Variants in ALDH4A1 observed in about 807,000 individuals in gnomAD.
ALDH4A1 encodes the protein delta-1-pyrroline-5-carboxylate dehydrogenase, mitochondrial.
Under a neutral mutation model 70.5 loss-of-function variants are expected in ALDH4A1, and 46 were observed. That is an observed-to-expected ratio of 0.65 (90% CI 0.51 to 0.83). The LOEUF (loss-of-function observed/expected upper bound fraction) is 0.83, where lower values mean the gene tolerates loss of function less well. ALDH4A1 is among the 40% of genes least tolerant of loss of function. ALDH4A1 has a pLI of 0.00. For missense variants in ALDH4A1, 749 were observed against 766.5 expected (o/e 0.98, Z 0.27); for synonymous variants, 323 against 324.3 (o/e 1.00, Z 0.04).
intron 7 of ALDH4A1, chr1:18,882,772 C>A: frequency 2.7e-5 from 16 of 588,316 alleles, no homozygotes; most frequent in South Asian, 2.1e-4. Flanking sequence ...TCAACAGAGC[C>A]ACCAACACTC....
Position 18,885,640 on chromosome 1 carries a change from G to T in ALDH4A1, c.298-12C>A. The T allele has an allele frequency of 1.2e-6, 2 of 1,613,738 alleles. No homozygotes were observed. The highest frequency in any genetic ancestry group is 1.7e-6 in the Non-Finnish European group (2 of 1,180,000). ...TTGTTGAGCAGGCTCTAAAGGGAGA[G>T]GGAGAGGTTGGGGACTGCCACCTGC... is the stretch of plus-strand genomic sequence containing the variant. On this transcript the variant is annotated splice_polypyrimidine_tract_variant and intron_variant, in intron 4 of 14. Coordinates refer to ENST00000375341, the MANE Select transcript of ALDH4A1 (RefSeq NM_003748.4).
Position 18,872,868 on chromosome 1 carries a change from A to C in ALDH4A1, c.1669T>G (p.Trp557Gly). The change falls in exon 15 of 15, where the codon TGG (tryptophan) becomes GGG (glycine). Residue 557 changes from tryptophan to glycine, a missense_variant. Physicochemically the swap from Trp to Gly is radical, Grantham distance 184. Transcript: ENST00000375341. ...GCTCACTGCATGTACGCGTAGCTCC[A>C]GTCCCCCAGGGGCTTATGTGTCTCC... The part of the protein sequence containing the change: ...IKETHKPLGD[W>G]SYAYMQ The C allele has an allele frequency of 6.2e-7, 1 of 1,614,016 alleles. No homozygotes were observed. The highest frequency in any genetic ancestry group is 8.5e-7 in the Non-Finnish European group (1 of 1,179,990).
chr1:18,881,658 GT>G (rs745837731), intron 8 of ALDH4A1, 41 bp downstream of exon 8: 13 of 853,154 alleles, frequency 1.5e-5, no homozygotes, highest in Non-Finnish European at 1.7e-5. Context: ...GCAGGTGAAC[GT>G]CCCCTAGCCA....
chr1:18,878,059 C>T (rs11487490), intron 9 of ALDH4A1, among the ~76,000 whole-genome samples: 4,900 of 152,222 alleles, frequency 0.032, 229 homozygotes, highest in African/African-American at 0.11. Flanking sequence ...CCCCTCCTCC[C>T]CACGCGTGCT....
At chr1:18,895,847 C>G (rs1333644132) in intron 1 of ALDH4A1, among the ~76,000 whole-genome samples, 1 of 152,254 alleles carries the variant, frequency 6.6e-6, no homozygotes, top group Admixed American at 6.5e-5. Flanking sequence ...CCAAGTCACT[C>G]AGGTCCACAC....
intron 1 of ALDH4A1, 40 bp from the exon 2 acceptor site, chr1:18,890,145 C>T: frequency 2.0e-6 from 3 of 1,534,154 alleles, no homozygotes; most frequent in Non-Finnish European, 2.7e-6. Context: ...GAGAGGTCAG[C>T]AGCGGCCCCA....
intron 13 of ALDH4A1, 33 bp downstream of exon 13, chr1:18,875,349 G>A (rs1557609746): frequency 6.2e-7 from 1 of 1,613,754 alleles, no homozygotes; most frequent in African/African-American, 1.3e-5. Flanking sequence ...GACACCCGGA[G>A]CACAGCACCA....
chr1:18,890,985 GC>G (rs775513087), intron 1 of ALDH4A1: 36 of 791,360 alleles, frequency 4.5e-5, no homozygotes, highest in Non-Finnish European at 5.4e-5. Flanking sequence ...CCCCGGGAGG[GC>G]TGGCCCTGGG....
chr1:18,902,433 G>C, intron 1 of ALDH4A1, 29 bp downstream of exon 1: 1 of 1,315,642 alleles, frequency 7.6e-7, no homozygotes, highest in Non-Finnish European at 9.7e-7. Context: ...GCGCGCGCTC[G>C]GGCCGCCCCG....
At position 18,894,281 on chromosome 1, in the gene ALDH4A1, C is replaced by G. The variant is rs78507003; in HGVS notation, c.63-4176G>C. On this transcript the variant is annotated intron_variant, in intron 1 of 14. Transcript: ENST00000375341. ...GTAGGCCGGTTGCAGTGGCTCACGC[C>G]TGTAATCCCAGCACTTTGGGAGGCT... Among the ~76,000 whole-genome samples, 583 of 152,362 alleles carry G rather than the reference C, an allele frequency of 3.8e-3. 4 individuals carry two copies. The highest frequency in any genetic ancestry group is 0.028 in the East Asian group (146 of 5,178).
At chr1:18,877,009 G>C (rs186347583) in intron 11 of ALDH4A1, among the ~76,000 whole-genome samples, 199 bp downstream of exon 11, 3 of 152,284 alleles carry the variant, frequency 2.0e-5, no homozygotes, top group Admixed American at 2.0e-4. Context: ...CAGGGTGGCC[G>C]CAAGATGAGC....
At chr1:18,886,545 G>A (rs772518011) in intron 3 of ALDH4A1, 34 bp from the exon 4 acceptor site, 38 of 1,610,800 alleles carry the variant, frequency 2.4e-5, no homozygotes, top group Middle Eastern at 1.6e-4. Flanking sequence ...CCTTGCCCGG[G>A]AGGGAGGTGC....
chr1:18,894,349 T>C (rs1935543351), intron 1 of ALDH4A1, among the ~76,000 whole-genome samples: 1 of 152,178 alleles, frequency 6.6e-6, no homozygotes, highest in South Asian at 2.1e-4. Flanking sequence ...GAGACCAGCC[T>C]GGCCAACATG....
chr1:18,899,385 C>T (rs1453136734), intron 1 of ALDH4A1, among the ~76,000 whole-genome samples: 1 of 152,216 alleles, frequency 6.6e-6, no homozygotes, highest in Non-Finnish European at 1.5e-5. Flanking sequence ...TGATGTCAGA[C>T]GGGCTGAGCT....
At chr1:18,876,187 T>A in intron 12 of ALDH4A1, 128 bp downstream of exon 12, 1 of 1,282,814 alleles carries the variant, frequency 7.8e-7, no homozygotes, top group Admixed American at 2.0e-5. Flanking sequence ...GTCGGAGGCA[T>A]TCCCTTTTAG....
intron 3 of ALDH4A1, among the ~76,000 whole-genome samples, chr1:18,887,657 G>A (rs188642517): frequency 5.3e-4 from 80 of 151,762 alleles, no homozygotes; most frequent in South Asian, 2.1e-4. Context: ...GGAACACCAC[G>A]ATGACATCCC....
chr1:18,881,939 AC>A lies in ALDH4A1; in HGVS notation c.679-53del, dbSNP rs936259300. 6 of 1,521,588 alleles carry A rather than the reference AC, an allele frequency of 3.9e-6. No homozygotes were observed. In the Admixed American group the frequency reaches 7.5e-5, roughly 19 times the overall value. 94.3% of individuals were successfully genotyped at this position (1,521,588 alleles called of 1,614,324 possible). A position where few individuals can be genotyped will look rare whatever the true frequency, so the allele number is the denominator to read the frequency against. On this transcript the variant is annotated intron_variant, in intron 7 of 14. Transcript: ENST00000375341. The stretch of plus-strand genomic sequence containing the variant: ...ATGAGGATGGCGCCACCAGCCCCCA[AC>A]CCCCACCCCACCCTACCCTACAGCA...
chr1:18,875,718 C>T (rs1934652293), intron 12 of ALDH4A1, among the ~76,000 whole-genome samples: 2 of 152,214 alleles, frequency 1.3e-5, no homozygotes, highest in Non-Finnish European at 1.5e-5. Flanking sequence ...CCACCACAAG[C>T]CGGCAAAAGA....
chr1:18,877,975 T>C (rs1468717975), intron 9 of ALDH4A1, among the ~76,000 whole-genome samples: 2 of 151,166 alleles, frequency 1.3e-5, no homozygotes, highest in African/African-American at 4.9e-5. Context: ...GGGCACAGCT[T>C]TTTGTGAGGT....
Sources: gnomAD v4.1 joint callset for allele counts (sites outside exome capture counted in the v4.1 genomes callset) on GRCh38, gnomAD v4.1.1 for gene constraint, MANE v1.5 for transcripts, NCBI Gene and HGNC (gene_info 2026-07-23, HGNC 2026-07-21) for gene names.